The following ANKRD30B variants were observed in gnomAD, a reference collection of about 807,000 sequenced individuals.
The protein encoded by ANKRD30B is ankyrin repeat domain 30B.
A neutral mutation model predicts 202.2 loss-of-function variants in ANKRD30B; 144 were observed. The ratio of observed to expected loss-of-function variants is 0.71; its 90% CI spans 0.62 to 0.82. The LOEUF is 0.82. Among genes scored for constraint, ANKRD30B ranks in the 40% least tolerant of loss-of-function variants. ANKRD30B has a pLI of 0.00. For synonymous variants in ANKRD30B, 508 were observed against 561.3 expected, an observed-to-expected ratio of 0.91 and a Z score of 1.34; for missense variants, 1,487 against 1,669.1, an observed-to-expected ratio of 0.89 and a Z score of 1.90.
At chr18:14,860,488 C>A in the ANKRD30B span, among the ~76,000 whole-genome samples, 1 of 138,266 alleles carries the variant, frequency 7.2e-6, no homozygotes, top group Non-Finnish European at 1.6e-5. Flanking sequence ...CACTCCTCAC[C>A]TCCCAGATGG....
chr18:14,925,569 A>G, the ANKRD30B span, among the ~76,000 whole-genome samples: 1 of 152,322 alleles, frequency 6.6e-6, no homozygotes, highest in Admixed American at 6.5e-5. Context: ...AGATGGTAGC[A>G]GGCTAGGTTT....
chr18:14,906,451 A>G, the ANKRD30B span, among the ~76,000 whole-genome samples: 1 of 152,204 alleles, frequency 6.6e-6, no homozygotes, highest in Non-Finnish European at 1.5e-5. Flanking sequence ...TTTATTAAAT[A>G]AATTATGAAA....
chr18:14,763,461 C>T (rs1471837286), intron 6 of ANKRD30B, among the ~76,000 whole-genome samples: 11 of 151,816 alleles, frequency 7.2e-5, no homozygotes, highest in Non-Finnish European at 1.5e-4. Flanking sequence ...GTAGGAGAGT[C>T]GCTTGAGGTA....
At chr18:14,839,733 G>T (rs554623320) in intron 36 of ANKRD30B, among the ~76,000 whole-genome samples, 1 of 152,036 alleles carries the variant, frequency 6.6e-6, no homozygotes, top group South Asian at 2.1e-4. Flanking sequence ...AAGCAGTTCT[G>T]TATCAGCAAA....
intron 1 of ANKRD30B, 37 bp downstream of exon 1, chr18:14,748,677 G>A (rs1181403999): frequency 3.3e-6 from 5 of 1,496,992 alleles, no homozygotes; most frequent in East Asian, 5.0e-5. Flanking sequence ...TGCAGGAGGA[G>A]GAGGCGGCTG....
At chr18:14,939,141 T>G in the ANKRD30B span, among the ~76,000 whole-genome samples, 1 of 152,232 alleles carries the variant, frequency 6.6e-6, no homozygotes, top group South Asian at 2.1e-4. Context: ...GTTGGTTCTG[T>G]GCTTTGCCCA....
the ANKRD30B span, among the ~76,000 whole-genome samples, chr18:14,917,898 G>A: frequency 6.6e-6 from 1 of 152,188 alleles, no homozygotes; most frequent in Non-Finnish European, 1.5e-5. Flanking sequence ...CTCCCCCAGG[G>A]CGATGAGCAA....
chr18:14,923,346 G>C, the ANKRD30B span, among the ~76,000 whole-genome samples: 3 of 152,196 alleles, frequency 2.0e-5, no homozygotes, highest in Non-Finnish European at 4.4e-5. Context: ...TGGGTTCTAA[G>C]TGAACATTGG....
intron 42 of ANKRD30B, 36 bp downstream of exon 42, chr18:14,852,456 C>T (rs1971932743): frequency 6.7e-7 from 1 of 1,499,838 alleles, no homozygotes; most frequent in Admixed American, 2.7e-5. Context: ...TTTCAAACTT[C>T]CTGAAAGAAA....
chr18:14,807,971 C>G (rs1477763399), intron 24 of ANKRD30B, among the ~76,000 whole-genome samples: 1 of 150,952 alleles, frequency 6.6e-6, no homozygotes, highest in Non-Finnish European at 1.5e-5. Flanking sequence ...ATATTCATAA[C>G]TTTTATTCTA....
At chr18:14,898,016 T>C in the ANKRD30B span, among the ~76,000 whole-genome samples, 1 of 152,198 alleles carries the variant, frequency 6.6e-6, no homozygotes, top group Non-Finnish European at 1.5e-5. Context: ...CTAATTCTCA[T>C]GTTTCACTAA....
chr18:14,923,893 C>T, the ANKRD30B span, among the ~76,000 whole-genome samples: 1 of 152,188 alleles, frequency 6.6e-6, no homozygotes, highest in Non-Finnish European at 1.5e-5. Context: ...AGTACTGGGA[C>T]TGTACTGAGT....
chr18:14,751,387 T>C (rs914809938), intron 1 of ANKRD30B, among the ~76,000 whole-genome samples: 1 of 152,076 alleles, frequency 6.6e-6, no homozygotes, highest in Non-Finnish European at 1.5e-5. Flanking sequence ...CTCAAGACCT[T>C]TTCATCCTTA....
the ANKRD30B span, among the ~76,000 whole-genome samples, chr18:14,884,572 A>G: frequency 2.0e-4 from 30 of 152,076 alleles, no homozygotes; most frequent in Admixed American, 1.4e-3. Flanking sequence ...AATTATTAGA[A>G]TATAAATGAA....
chr18:14,815,275 A>G (rs2144077232), intron 30 of ANKRD30B, among the ~76,000 whole-genome samples: 1 of 131,980 alleles, frequency 7.6e-6, no homozygotes, highest in Non-Finnish European at 1.6e-5. Flanking sequence ...GAATAAGCAT[A>G]TATGCACGGC....
the ANKRD30B span, among the ~76,000 whole-genome samples, chr18:14,862,765 G>C: frequency 6.6e-6 from 1 of 152,214 alleles, no homozygotes; most frequent in Non-Finnish European, 1.5e-5. Flanking sequence ...CAGCAGCCAT[G>C]GTGACTGTAC....
chr18:14,928,664 C>T, the ANKRD30B span, among the ~76,000 whole-genome samples: 1 of 152,336 alleles, frequency 6.6e-6, no homozygotes, highest in South Asian at 2.1e-4. Context: ...CTCCAGATTG[C>T]AGATGGAAGA....
intron 34 of ANKRD30B, among the ~76,000 whole-genome samples, chr18:14,832,194 C>T (rs1391420291): frequency 6.6e-6 from 1 of 152,180 alleles, no homozygotes; most frequent in Non-Finnish European, 1.5e-5. Flanking sequence ...GAGACCTTAT[C>T]TCTAATTTTG....
the ANKRD30B span, among the ~76,000 whole-genome samples, chr18:14,909,724 A>G: frequency 6.6e-6 from 1 of 152,112 alleles, no homozygotes; most frequent in African/African-American, 2.4e-5. Context: ...ACTATTTTTA[A>G]TCACTATTTT....
Sources: gnomAD v4.1 joint callset for allele counts (sites outside exome capture counted in the v4.1 genomes callset) on GRCh38, gnomAD v4.1.1 for gene constraint, MANE v1.5 for transcripts, NCBI Gene and HGNC (gene_info 2026-07-23, HGNC 2026-07-21) for gene names.